VPS13B: variants seen among roughly 807,000 people sequenced by gnomAD.
VPS13B encodes vacuolar protein sorting 13 homolog B.
In VPS13B, 285 loss-of-function variants were observed where a neutral mutation model predicts 426.4. That is an observed-to-expected ratio of 0.67 (90% confidence interval 0.61 to 0.74). The LOEUF (loss-of-function observed/expected upper bound fraction) is 0.74. VPS13B is among the 30% of genes least tolerant of loss of function. VPS13B has a pLI of 0.00. For synonymous variants in VPS13B, 1,676 were observed against 1,676.4 expected, an observed-to-expected ratio of 1.00 and a Z score of 0.01; for missense variants, 4,537 against 4,782.6, an observed-to-expected ratio of 0.95 and a Z score of 1.51.
intron 12 of VPS13B, among the ~76,000 whole-genome samples, chr8:99,141,190 T>A (rs546300491): frequency 6.6e-6 from 1 of 152,342 alleles, no homozygotes; most frequent in African/African-American, 2.4e-5. Flanking sequence ...AGTGGCCAGA[T>A]GCATGAAAGG....
At chr8:99,259,358 A>G (rs985736249) in intron 17 of VPS13B, among the ~76,000 whole-genome samples, 1 of 152,130 alleles carries the variant, frequency 6.6e-6, no homozygotes, top group African/African-American at 2.4e-5. Flanking sequence ...AACAAAGAGA[A>G]AATGAAAATT....
chr8:99,773,144 TGAAAAA>T (rs1811592896), intron 40 of VPS13B, among the ~76,000 whole-genome samples: 2 of 152,144 alleles, frequency 1.3e-5, no homozygotes, highest in African/African-American at 4.8e-5. Flanking sequence ...ATGTAATACT[TGAAAAA>T]GGTAGGTCTA....
intron 3 of VPS13B, among the ~76,000 whole-genome samples, chr8:99,051,152 T>C (rs1188742951): frequency 6.6e-6 from 1 of 152,242 alleles, no homozygotes; most frequent in East Asian, 1.9e-4. Context: ...TCTAGGGTTT[T>C]TATGGTTTTA....
chr8:99,430,523 A>C (rs1817034316), intron 21 of VPS13B, among the ~76,000 whole-genome samples: 1 of 152,170 alleles, frequency 6.6e-6, no homozygotes, highest in African/African-American at 2.4e-5. Flanking sequence ...TAAATTACTC[A>C]ATTGTTTAAA....
intron 30 of VPS13B, among the ~76,000 whole-genome samples, chr8:99,539,840 CTG>C (rs1224705364): frequency 6.7e-6 from 1 of 150,170 alleles, no homozygotes; most frequent in East Asian, 1.9e-4. Context: ...GAAGTATATT[CTG>C]TTTCTTTTTT....
At chr8:99,556,893 A>AG (rs1276637040) in intron 31 of VPS13B, among the ~76,000 whole-genome samples, 2 of 151,914 alleles carry the variant, frequency 1.3e-5, no homozygotes, top group African/African-American at 4.8e-5. Context: ...TAGAAAAAAA[A>AG]AGCTTACTAT....
At chr8:99,095,763 A>G (rs1846381041) in intron 3 of VPS13B, among the ~76,000 whole-genome samples, 4 of 152,180 alleles carry the variant, frequency 2.6e-5, no homozygotes. Flanking sequence ...TGTTTCTGTT[A>G]CTCATATTGA....
In VPS13B at chr8:99,275,113, C is replaced by G. The variant is rs777002154; in HGVS notation, c.2683C>G (p.Leu895Val). 6.2e-7 allele frequency: 1 copy of G among 1,607,606 alleles called. No homozygotes were observed. Residue 895 changes from leucine (L) to valine (V), a missense_variant, in exon 19 of 62, where the codon CTT becomes GTT. By Grantham distance (32) the Leu-to-Val change is conservative. Around this residue, in one of 2 missense-constraint regions of VPS13B, gnomAD observed 4,311 missense variants for 4,474.3 expected, o/e 0.96. Transcript: ENST00000357162. ...DSGKEKLIPLLQGPSDTKDLH... is the reference protein window; with the variant it reads ...DSGKEKLIPLVQGPSDTKDLH... ...TGGAAAAGAGAAGTTGATTCCCTTGCTTCAGGGTCCTTCTGACACTAAAGA... is the reference window on the plus strand; with the variant it reads ...TGGAAAAGAGAAGTTGATTCCCTTGGTTCAGGGTCCTTCTGACACTAAAGA...
intron 33 of VPS13B, among the ~76,000 whole-genome samples, chr8:99,593,894 C>A (rs1826830403): frequency 6.6e-6 from 1 of 152,002 alleles, no homozygotes; most frequent in South Asian, 2.1e-4. Context: ...ACAACACACA[C>A]TGAGGTCCAT....
intron 3 of VPS13B, among the ~76,000 whole-genome samples, chr8:99,044,793 C>T (rs1181087515): frequency 6.6e-6 from 1 of 151,636 alleles, no homozygotes; most frequent in Non-Finnish European, 1.5e-5. Context: ...CAATCTCCTC[C>T]AGGTCACTAC....
intron 38 of VPS13B, 64 bp downstream of exon 38, chr8:99,720,616 T>C: frequency 6.6e-7 from 1 of 1,521,854 alleles, no homozygotes; most frequent in Non-Finnish European, 9.1e-7. Flanking sequence ...TAAATGCATG[T>C]TGACTAAATA....
At chr8:99,192,717 A>T (rs1813670083) in intron 16 of VPS13B, among the ~76,000 whole-genome samples, 159 bp from the exon 17 acceptor site, 1 of 152,192 alleles carries the variant, frequency 6.6e-6, no homozygotes, top group African/African-American at 2.4e-5. Flanking sequence ...AGTGGAACTT[A>T]AAGTTAGCAG....
intron 19 of VPS13B, among the ~76,000 whole-genome samples, chr8:99,337,565 T>G (rs1810987082): frequency 6.6e-6 from 1 of 152,088 alleles, no homozygotes; most frequent in Admixed American, 6.6e-5. Context: ...CTTTTGCCCA[T>G]TTTATGTTAA....
chr8:99,668,983 G>T (rs1318399517), intron 35 of VPS13B, among the ~76,000 whole-genome samples: 4 of 152,038 alleles, frequency 2.6e-5, no homozygotes, highest in African/African-American at 9.7e-5. Context: ...CCCAACCAAG[G>T]AAAATTCCCC....
chr8:99,156,261 G>A (rs1811353888), intron 14 of VPS13B, among the ~76,000 whole-genome samples: 1 of 152,128 alleles, frequency 6.6e-6, no homozygotes, highest in Admixed American at 6.5e-5. Flanking sequence ...TCATACTGAG[G>A]CATGTCGTGA....
chr8:99,266,559 A>G (rs1818315422), intron 17 of VPS13B, among the ~76,000 whole-genome samples: 1 of 152,208 alleles, frequency 6.6e-6, no homozygotes, highest in Non-Finnish European at 1.5e-5. Flanking sequence ...TATAGTTCCC[A>G]TAATTCCCAC....
At position 99,699,663 on chromosome 8, in the gene VPS13B, A is replaced by G; in HGVS notation, c.6185A>G (p.Asn2062Ser). The G allele has an allele frequency of 6.2e-7, 1 of 1,614,178 alleles. No individual in the cohort carries two copies. Among genetic ancestry groups the G allele is most frequent in the African/African-American group, 1.3e-5 (1 of 75,054 alleles). ...AGTGAAGAGACTTCAGCCATGTCCA[A>G]CACCATGGTGAATAAGGATGATCTT... is the stretch of plus-strand genomic sequence containing the variant. ...AHSEETSAMS[N>S]TMVNKDDLPV... is the part of the protein sequence containing the mutation. Residue 2062 changes from asparagine (N) to serine (S), a missense_variant, in exon 36 of 62, where the codon AAC becomes AGC. Physicochemically the swap from Asn to Ser is conservative, Grantham distance 46. Coordinates refer to ENST00000357162, the MANE Select transcript of VPS13B (RefSeq NM_152564.5).
intron 9 of VPS13B, 93 bp from the exon 10 acceptor site, chr8:99,134,922 G>T (rs1809995177): frequency 6.9e-7 from 1 of 1,447,110 alleles, no homozygotes; most frequent in African/African-American, 1.4e-5. Flanking sequence ...TAATTCTAAA[G>T]ATGTTTAACT....
At chr8:99,224,355 G>A (rs944689433) in intron 17 of VPS13B, among the ~76,000 whole-genome samples, 1 of 152,070 alleles carries the variant, frequency 6.6e-6, no homozygotes, top group African/African-American at 2.4e-5. Context: ...GATTGTTCAA[G>A]TTAACATGTC....
Sources: gnomAD v4.1 joint callset for allele counts (sites outside exome capture counted in the v4.1 genomes callset) on GRCh38, gnomAD v4.1.1 for gene constraint, gnomAD v4.1.1 regional missense constraint, MANE v1.5 for transcripts, NCBI Gene and HGNC (gene_info 2026-07-23, HGNC 2026-07-21) for gene names.